COTL1: variants seen among roughly 807,000 people sequenced by gnomAD.
COTL1 encodes coactosin-like protein.
In COTL1, 15 loss-of-function variants were observed where a neutral mutation model predicts 16.5. The observed-to-expected ratio is 0.91, with a 90% CI of 0.61 to 1.40. COTL1 has a LOEUF of 1.40. COTL1 is among the 40% of genes most tolerant of loss of function. The probability of loss-of-function intolerance (pLI) is 0.00; values close to 1 mark genes in which losing one functional copy is unlikely to be tolerated. For missense variants in COTL1, 220 were observed against 201.5 expected (o/e 1.09, Z -0.56); for synonymous variants, 112 against 85.3 (o/e 1.31, Z -1.73).
chr16:84,606,951 G>C (rs1044431834), intron 2 of COTL1, among the ~76,000 whole-genome samples: 5 of 152,282 alleles, frequency 3.3e-5, no homozygotes, highest in Admixed American at 1.3e-4. Flanking sequence ...CAAAGGAGTG[G>C]ACAGCCAGCA....
At chr16:84,615,112 G>A (rs1905437576) in intron 2 of COTL1, among the ~76,000 whole-genome samples, 1 of 152,198 alleles carries the variant, frequency 6.6e-6, no homozygotes, top group Non-Finnish European at 1.5e-5. Flanking sequence ...CCTGGGTTAT[G>A]AGGACACGAC....
At chr16:84,575,813 T>G (rs1166580635) in intron 3 of COTL1, 1 of 152,268 alleles carries the variant, frequency 6.6e-6, no homozygotes, top group South Asian at 2.1e-4. Context: ...CTGAGTCTCC[T>G]CATCTGCAAA....
chr16:84,614,335 G>C (rs959719742), intron 2 of COTL1, among the ~76,000 whole-genome samples: 1 of 152,186 alleles, frequency 6.6e-6, no homozygotes, highest in African/African-American at 2.4e-5. Flanking sequence ...AGAAAGATTG[G>C]GAGGATGAGT....
chr16:84,575,373 T>C (rs552457502), intron 3 of COTL1: 2 of 152,082 alleles, frequency 1.3e-5, no homozygotes, highest in Admixed American at 1.3e-4. Context: ...TATTTTCATT[T>C]TTTGAGACGG....
At chr16:84,591,336 A>G (rs553762281) in intron 2 of COTL1, among the ~76,000 whole-genome samples, 1 of 151,016 alleles carries the variant, frequency 6.6e-6, no homozygotes, top group South Asian at 2.1e-4. Context: ...GGCGCCCACC[A>G]CCACACCTGG....
At chr16:84,613,535 T>C (rs1259555929) in intron 2 of COTL1, among the ~76,000 whole-genome samples, 2 of 151,966 alleles carry the variant, frequency 1.3e-5, no homozygotes, top group Non-Finnish European at 2.9e-5. Flanking sequence ...ACAAACCGAC[T>C]AGAAAGCCAA....
chr16:84,577,619 C>G (rs1276195292), intron 3 of COTL1, among the ~76,000 whole-genome samples: 9 of 152,248 alleles, frequency 5.9e-5, no homozygotes, highest in Middle Eastern at 6.8e-3. Flanking sequence ...GGCACGGGCT[C>G]GGGTTTGACA....
chr16:84,579,019 C>T (rs1904518060), intron 3 of COTL1, among the ~76,000 whole-genome samples: 1 of 150,934 alleles, frequency 6.6e-6, no homozygotes, highest in South Asian at 2.1e-4. Flanking sequence ...GCACACACAT[C>T]CACCCTCATA....
chr16:84,600,884 C>T (rs930315016), intron 2 of COTL1, among the ~76,000 whole-genome samples: 2 of 152,154 alleles, frequency 1.3e-5, no homozygotes, highest in African/African-American at 4.8e-5. Context: ...GATCTGGATA[C>T]CCAAATTAAA....
At chr16:84,589,816 G>A (rs544572802) in intron 3 of COTL1, among the ~76,000 whole-genome samples, 11 of 151,990 alleles carry the variant, frequency 7.2e-5, no homozygotes, top group South Asian at 2.1e-4. Context: ...ACCAGTTCCC[G>A]TCTCTAGAAG....
chr16:84,604,242 C>T (rs1567539297), intron 2 of COTL1, among the ~76,000 whole-genome samples: 1 of 81,040 alleles, frequency 1.2e-5, no homozygotes, highest in Non-Finnish European at 2.5e-5. Context: ...ACGGTCCCCA[C>T]CCCCTGCTCC....
chr16:84,577,982 A>G (rs1191281006), intron 3 of COTL1, among the ~76,000 whole-genome samples: 1 of 152,054 alleles, frequency 6.6e-6, no homozygotes, highest in Admixed American at 6.5e-5. Flanking sequence ...CACCTTGCCT[A>G]ATTTCTAACT....
intron 2 of COTL1, among the ~76,000 whole-genome samples, chr16:84,616,638 C>T (rs746662887): frequency 1.3e-5 from 2 of 152,174 alleles, no homozygotes; most frequent in Non-Finnish European, 2.9e-5. Flanking sequence ...GGGAGGGAGT[C>T]GCATTCTCCA....
intron 2 of COTL1, among the ~76,000 whole-genome samples, chr16:84,593,620 T>C (rs1206160295): frequency 6.6e-6 from 1 of 151,722 alleles, no homozygotes; most frequent in African/African-American, 2.4e-5. Flanking sequence ...CACACCATTC[T>C]CCTGCCTCAG....
intron 2 of COTL1, among the ~76,000 whole-genome samples, chr16:84,607,071 T>C (rs1470233488): frequency 6.6e-6 from 1 of 152,018 alleles, no homozygotes; most frequent in African/African-American, 2.4e-5. Context: ...CCATGAAGGA[T>C]GGGGATTCCC....
intron 2 of COTL1, among the ~76,000 whole-genome samples, chr16:84,608,666 G>C (rs1905259530): frequency 6.6e-6 from 1 of 152,228 alleles, no homozygotes; most frequent in Admixed American, 6.5e-5. Flanking sequence ...AACACTTTGA[G>C]AGGCCAAGGC....
At chr16:84,569,700 T>C (rs943037474) in intron 3 of COTL1, among the ~76,000 whole-genome samples, 3 of 152,212 alleles carry the variant, frequency 2.0e-5, no homozygotes, top group African/African-American at 7.2e-5. Flanking sequence ...CCCACCCCAC[T>C]ACAGTGTGTT....
At chr16:84,568,956 G>GT (rs1198930613) in intron 3 of COTL1, 2 of 152,210 alleles carry the variant, frequency 1.3e-5, no homozygotes, top group African/African-American at 4.8e-5. Flanking sequence ...TGATGAAAAA[G>GT]TTTTGGAACC....
At chr16:84,605,342 G>A (rs1042015428) in intron 2 of COTL1, among the ~76,000 whole-genome samples, 3 of 152,310 alleles carry the variant, frequency 2.0e-5, no homozygotes, top group Admixed American at 6.5e-5. Context: ...ATAACAACAG[G>A]GCCCGCGATG....
Sources: gnomAD v4.1 joint callset for allele counts (sites outside exome capture counted in the v4.1 genomes callset) on GRCh38, gnomAD v4.1.1 for gene constraint, MANE v1.5 for transcripts, NCBI Gene and HGNC (gene_info 2026-07-23, HGNC 2026-07-21) for gene names.